MORC1: variants seen among roughly 807,000 people sequenced by gnomAD.
MORC1 encodes the protein MORC family CW-type zinc finger 1.
MORC1 carries 59 observed loss-of-function variants against 134.9 expected under a neutral mutation model. The observed-to-expected ratio is 0.44, with a 90% confidence interval of 0.35 to 0.54. The LOEUF is 0.54. Ranked by LOEUF, MORC1 falls within the 20% of genes least tolerant of loss-of-function variation. The pLI is 0.00. For missense variants in MORC1, 947 were observed against 1,134.5 expected, an observed-to-expected ratio of 0.83 and a Z score of 2.37; for synonymous variants, 395 against 391.7, an observed-to-expected ratio of 1.01 and a Z score of -0.10.
intron 21 of MORC1, among the ~76,000 whole-genome samples, chr3:108,990,026 T>C (rs375207718): frequency 6.6e-6 from 1 of 152,012 alleles, no homozygotes; most frequent in Non-Finnish European, 1.5e-5. Flanking sequence ...GATCTGATGG[T>C]TTTATAAAGG....
chr3:109,103,802 G>T, intron 4 of MORC1, 47 bp downstream of exon 4: 1 of 1,487,332 alleles, frequency 6.7e-7, no homozygotes, highest in Non-Finnish European at 9.4e-7. Context: ...TAGGTTTTCA[G>T]ACTGTTTCCT....
At position 108,963,526 on chromosome 3, in the gene MORC1, C is replaced by T. The variant is rs1415784309; in HGVS notation, c.2687G>A (p.Gly896Glu). The T allele has an allele frequency of 1.2e-6, 2 of 1,606,064 alleles. No individual in the cohort carries two copies. The highest frequency in any genetic ancestry group is 1.7e-6 in the Non-Finnish European group (2 of 1,174,844). Residue 896 changes from glycine (G) to glutamate (E), a missense_variant, in exon 27 of 28, where the codon GGA (glycine) becomes GAA (glutamate). Physicochemically the swap from Gly to Glu is moderately conservative, Grantham distance 98. This residue lies in a region of MORC1 where 722 missense variants were observed against 817.0 expected (regional missense o/e 0.88). Transcript: ENST00000232603. ...CCCCAGAGAGATTTCATTATGTATT[C>T]CTCTTGTATTTGAATCATAGATAAT... ...QSIIYDSNTRGIHNEISLGQC... is the reference protein window; with the variant it reads ...QSIIYDSNTREIHNEISLGQC...
intron 17 of MORC1, among the ~76,000 whole-genome samples, chr3:109,014,132 T>G (rs1178059654): frequency 1.3e-5 from 2 of 152,244 alleles, no homozygotes; most frequent in Non-Finnish European, 2.9e-5. Flanking sequence ...TTTTCTGTGT[T>G]GCTCTTAGAA....
At chr3:108,970,135 A>G (rs997624638) in intron 25 of MORC1, among the ~76,000 whole-genome samples, 1 of 152,084 alleles carries the variant, frequency 6.6e-6, no homozygotes, top group African/African-American at 2.4e-5. Context: ...TTAAAGTTAG[A>G]AATTAGACGA....
chr3:108,984,637 T>C, intron 23 of MORC1, 79 bp downstream of exon 23: 1 of 1,095,132 alleles, frequency 9.1e-7, no homozygotes, highest in Non-Finnish European at 1.3e-6. Context: ...TCCTTTCTTC[T>C]TGTATTTAAA....
intron 17 of MORC1, among the ~76,000 whole-genome samples, chr3:109,008,563 A>G (rs934784613): frequency 5.3e-5 from 8 of 151,648 alleles, no homozygotes; most frequent in African/African-American, 1.7e-4. Flanking sequence ...CTCTTTTTTC[A>G]TGTATCACTT....
chr3:109,106,286 A>G (rs1254096256), intron 3 of MORC1, among the ~76,000 whole-genome samples: 1 of 152,188 alleles, frequency 6.6e-6, no homozygotes, highest in South Asian at 2.1e-4. Flanking sequence ...TCCTAGAAGG[A>G]GCTTGCAGAA....
intron 16 of MORC1, among the ~76,000 whole-genome samples, chr3:109,030,261 T>C (rs759897746): frequency 1.3e-5 from 2 of 152,228 alleles, no homozygotes; most frequent in Non-Finnish European, 2.9e-5. Flanking sequence ...TTTTAAGTGA[T>C]TCTATCCAAG....
At chr3:109,102,902 G>A (rs1291214560) in intron 4 of MORC1, among the ~76,000 whole-genome samples, 1 of 152,090 alleles carries the variant, frequency 6.6e-6, no homozygotes, top group Admixed American at 6.6e-5. Flanking sequence ...TAATCAAAAT[G>A]ACCTGGAAAA....
chr3:108,979,721 A>AACACTAAT, intron 23 of MORC1, 54 bp from the exon 24 acceptor site: 1 of 1,586,350 alleles, frequency 6.3e-7, no homozygotes, highest in South Asian at 1.1e-5. Context: ...TAATTTCAGA[A>AACACTAAT]ACACTAATAT....
At chr3:109,109,351 C>A (rs1951112318) in intron 3 of MORC1, among the ~76,000 whole-genome samples, 1 of 152,040 alleles carries the variant, frequency 6.6e-6, no homozygotes, top group South Asian at 2.1e-4. Context: ...GTGCACTATC[C>A]CCAGTACCTA....
chr3:109,005,148 C>T lies in MORC1; in HGVS notation c.1935G>A (p.Met645Ile), dbSNP rs142669870. 69 of 1,613,696 alleles carry T rather than the reference C, an allele frequency of 4.3e-5. No homozygotes were observed. Among genetic ancestry groups the T allele is most frequent in the Non-Finnish European group, 5.4e-5 (64 of 1,179,908 alleles). The change falls in exon 19 of 28, where the codon ATG becomes ATA. Residue 645 changes from methionine (M) to isoleucine (I), a missense_variant. Physicochemically the swap from Met to Ile is conservative, Grantham distance 10. Coordinates refer to ENST00000232603, the MANE Select transcript of MORC1 (RefSeq NM_014429.4). ...GCTGTTGAGAGTTCATTTTCTCCTCCATAGACTTTTTCATAATTTTTGTTT... is the reference window on the plus strand; with the variant it reads ...GCTGTTGAGAGTTCATTTTCTCCTCTATAGACTTTTTCATAATTTTTGTTT... ...ISETKIMKKSMEEKMNSQQQR... is the reference protein window; with the variant it reads ...ISETKIMKKSIEEKMNSQQQR...
chr3:109,016,819 C>T (rs1325682746), intron 17 of MORC1, among the ~76,000 whole-genome samples: 22 of 152,102 alleles, frequency 1.4e-4, no homozygotes, highest in African/African-American at 4.6e-4. Context: ...GAGCTGAGAT[C>T]GCACCACTGC....
In MORC1 at chr3:109,062,746, T is replaced by A. The variant is rs74735057; in HGVS notation, c.895+406A>T. On this transcript the variant is annotated intron_variant, in intron 10 of 27. Transcript: ENST00000232603. ...AACACAGTGCTATGACAAGCAGGGTTTCTTAGTTTATTTTATTTTTTAAAA... is the reference window on the plus strand; with the variant it reads ...AACACAGTGCTATGACAAGCAGGGTATCTTAGTTTATTTTATTTTTTAAAA... 4.7e-4 allele frequency among the ~76,000 whole-genome samples: 72 copies of A among 152,166 alleles called. No homozygotes were observed. The East Asian group carries it at 0.013, about 28-fold the overall frequency.
At chr3:109,053,040 G>T (rs1456543936) in intron 14 of MORC1, among the ~76,000 whole-genome samples, 1 of 147,882 alleles carries the variant, frequency 6.8e-6, no homozygotes, top group East Asian at 2.0e-4. Flanking sequence ...AATCACCAGA[G>T]AAATGCAAAT....
chr3:108,966,560 T>C (rs980110007), intron 26 of MORC1, among the ~76,000 whole-genome samples: 1 of 152,180 alleles, frequency 6.6e-6, no homozygotes, highest in African/African-American at 2.4e-5. Context: ...GATTCTATCA[T>C]CTAACTGAGG....
intron 14 of MORC1, among the ~76,000 whole-genome samples, chr3:109,044,094 T>C (rs1192336442): frequency 6.6e-6 from 1 of 152,198 alleles, no homozygotes; most frequent in Non-Finnish European, 1.5e-5. Flanking sequence ...ATTAAATTAA[T>C]AGGATAATCC....
At chr3:109,049,522 T>G (rs1329751554) in intron 14 of MORC1, among the ~76,000 whole-genome samples, 1 of 152,110 alleles carries the variant, frequency 6.6e-6, no homozygotes, top group Non-Finnish European at 1.5e-5. Context: ...AACACATTAG[T>G]TAGAAGTTAG....
chr3:109,102,942 T>C (rs1437044413), intron 4 of MORC1, among the ~76,000 whole-genome samples: 1 of 152,190 alleles, frequency 6.6e-6, no homozygotes, highest in East Asian at 1.9e-4. Context: ...AGAACAAAAC[T>C]GGGTGAAACA....
Sources: allele counts gnomAD v4.1 joint callset (sites outside exome capture counted in the v4.1 genomes callset), GRCh38; gene constraint gnomAD v4.1.1; regional missense constraint gnomAD v4.1.1; transcripts MANE v1.5; gene names NCBI Gene and HGNC (gene_info 2026-07-23, HGNC 2026-07-21).